ARHGEF28: variants seen among roughly 807,000 people sequenced by gnomAD.
ARHGEF28 encodes the protein 190 kDa guanine nucleotide exchange factor.
A neutral mutation model predicts 206.6 loss-of-function variants in ARHGEF28; 152 were observed. The observed-to-expected ratio is 0.74, with a 90% confidence interval of 0.64 to 0.84. The LOEUF is 0.84. ARHGEF28 is among the 40% of genes least tolerant of loss of function. The pLI is 0.00. For synonymous variants in ARHGEF28, 763 were observed against 776.4 expected (o/e 0.98, Z 0.29); for missense variants, 2,028 against 2,073.2 (o/e 0.98, Z 0.42).
rs1758786280 is a variant in ARHGEF28 at position 73,852,782 on chromosome 5, T to C, written c.1790+90T>C. 1.3e-5 allele frequency: 17 copies of C among 1,359,592 alleles called. No homozygotes were observed. The South Asian group carries it at 2.0e-4, about 16-fold the overall frequency. 84.2% of individuals were successfully genotyped at this position (1,359,592 alleles called of 1,614,324 possible). A position where few individuals can be genotyped will look rare whatever the true frequency, so the allele number is the denominator to read the frequency against. ...TCATTTTTGCTATCTGTTCACTAGT[T>C]CATGAGAGGTTTCCATGTAACAAGC... is the stretch of plus-strand genomic sequence containing the variant. On this transcript the variant is annotated intron_variant, in intron 14 of 35. Transcript: ENST00000513042.
rs1761826218 is a variant in ARHGEF28, at chr5:73,894,306, A to G, written c.3659-87A>G. ...TCTCTTGGAGGTCTTACTGCTTGCT[A>G]ATTAGCAACATCTTTTTCGTGGACT... On this transcript the variant is annotated intron_variant, in intron 28 of 35. Coordinates refer to ENST00000513042, the MANE Select transcript of ARHGEF28 (RefSeq NM_001177693.2). The G allele has an allele frequency of 1.1e-5, 15 of 1,340,562 alleles. No individual in the cohort carries two copies. The South Asian group carries it at 2.2e-4, about 19-fold the overall frequency. The allele number at this position is 1,340,562 out of a possible 1,614,324, so 83.0% of individuals were successfully genotyped here. A position where few individuals can be genotyped will look rare whatever the true frequency, so the allele number is the denominator to read the frequency against.
intron 22 of ARHGEF28, among the ~76,000 whole-genome samples, chr5:73,873,721 T>C (rs1424792978): frequency 6.6e-6 from 1 of 152,178 alleles, no homozygotes; most frequent in Non-Finnish European, 1.5e-5. Context: ...ATGGGGGAGT[T>C]ATGCTGAGTG....
At chr5:73,806,121 T>C (rs1561416906) in intron 9 of ARHGEF28, among the ~76,000 whole-genome samples, 1 of 150,920 alleles carries the variant, frequency 6.6e-6, no homozygotes, top group Non-Finnish European at 1.5e-5. Flanking sequence ...AGTTACCTCA[T>C]AGTTACTATA....
At chr5:73,855,609 G>A (rs1009287870) in intron 14 of ARHGEF28, among the ~76,000 whole-genome samples, 13 of 151,982 alleles carry the variant, frequency 8.6e-5, no homozygotes, top group African/African-American at 3.1e-4. Context: ...GTGGGCGCCT[G>A]TAATTCCAGC....
intron 2 of ARHGEF28, among the ~76,000 whole-genome samples, chr5:73,692,708 G>A (rs1308814747): frequency 6.6e-6 from 1 of 152,192 alleles, no homozygotes; most frequent in African/African-American, 2.4e-5. Context: ...CTGCAGGGAG[G>A]GCCGGAGGAC....
intron 4 of ARHGEF28, among the ~76,000 whole-genome samples, chr5:73,754,966 A>T (rs900053476): frequency 3.3e-5 from 5 of 151,776 alleles, no homozygotes; most frequent in African/African-American, 1.2e-4. Context: ...ACCTGGCCTC[A>T]GGCGAGCCTC....
rs1052028406 is a variant in ARHGEF28, at chr5:73,906,312, C to T, written c.4161+1907C>T. 1.2e-4 allele frequency among the ~76,000 whole-genome samples: 19 copies of T among 152,296 alleles called. No individual in the cohort carries two copies. In the South Asian group the frequency reaches 3.7e-3, roughly 30 times the overall value. ...GGAGTGCAGTGGCACGATCTCAACTCACTGCAACCTCTGTCTCCCAGGCTG... is the reference window on the plus strand; with the variant it reads ...GGAGTGCAGTGGCACGATCTCAACTTACTGCAACCTCTGTCTCCCAGGCTG... On this transcript the variant is annotated intron_variant, in intron 33 of 35. Coordinates refer to ENST00000513042, the MANE Select transcript of ARHGEF28 (RefSeq NM_001177693.2).
chr5:73,875,256 T>G (rs2112648870), intron 22 of ARHGEF28, among the ~76,000 whole-genome samples: 1 of 152,080 alleles, frequency 6.6e-6, no homozygotes, highest in Non-Finnish European at 1.5e-5. Flanking sequence ...ACCCACTTTT[T>G]GATGGGGTTG....
chr5:73,833,055 G>A (rs542077339), intron 10 of ARHGEF28, among the ~76,000 whole-genome samples: 6 of 152,288 alleles, frequency 3.9e-5, no homozygotes, highest in South Asian at 4.2e-4. Context: ...GAAGCAGATG[G>A]TTTGAATGTG....
chr5:73,717,512 A>G (rs930158278), intron 2 of ARHGEF28, among the ~76,000 whole-genome samples: 3 of 152,188 alleles, frequency 2.0e-5, no homozygotes, highest in Non-Finnish European at 2.9e-5. Flanking sequence ...GAAAACTGTA[A>G]TGATTACAAT....
chr5:73,891,790 G>T (rs975102420), intron 26 of ARHGEF28, among the ~76,000 whole-genome samples: 2 of 152,110 alleles, frequency 1.3e-5, no homozygotes, highest in African/African-American at 4.8e-5. Context: ...CTCCCAAAGT[G>T]CTGGGATTAC....
chr5:73,660,851 C>T (rs555517485), intron 1 of ARHGEF28, among the ~76,000 whole-genome samples: 1 of 152,184 alleles, frequency 6.6e-6, no homozygotes, highest in Non-Finnish European at 1.5e-5. Flanking sequence ...TACTGTCATC[C>T]AGGCTTTGTT....
chr5:73,856,982 G>A (rs186095772), intron 14 of ARHGEF28, among the ~76,000 whole-genome samples: 1 of 152,090 alleles, frequency 6.6e-6, no homozygotes, highest in Non-Finnish European at 1.5e-5. Flanking sequence ...TAATTGTATT[G>A]TGGATTAGAA....
chr5:73,629,809 T>A (rs1168239985), intron 1 of ARHGEF28, among the ~76,000 whole-genome samples: 1 of 152,210 alleles, frequency 6.6e-6, no homozygotes, highest in African/African-American at 2.4e-5. Context: ...GTATTTTAAT[T>A]TTCAGAGGTG....
At chr5:73,688,604 AATATCCAAAG>A (rs1217774944) in intron 2 of ARHGEF28, among the ~76,000 whole-genome samples, 2 of 152,178 alleles carry the variant, frequency 1.3e-5, no homozygotes, top group Admixed American at 1.3e-4. Flanking sequence ...CAGAACAACT[AATATCCAAAG>A]ATTGGATTGT....
chr5:73,850,923 A>G (rs780440023), intron 13 of ARHGEF28, among the ~76,000 whole-genome samples: 15 of 152,206 alleles, frequency 9.9e-5, no homozygotes, highest in Non-Finnish European at 1.3e-4. Context: ...CAGGCAATTT[A>G]GGTTGAGTCT....
At chr5:73,855,033 C>A (rs1482866936) in intron 14 of ARHGEF28, among the ~76,000 whole-genome samples, 1 of 152,102 alleles carries the variant, frequency 6.6e-6, no homozygotes, top group African/African-American at 2.4e-5. Context: ...TGCTATCGGT[C>A]ATCAAACTAA....
chr5:73,935,316 C>T (rs1248252612), intron 35 of ARHGEF28, among the ~76,000 whole-genome samples: 1 of 152,052 alleles, frequency 6.6e-6, no homozygotes, highest in African/African-American at 2.4e-5. Context: ...ATTTCAGGTG[C>T]AGTATTGGCA....
chr5:73,769,191 G>GTA (rs939761329), intron 4 of ARHGEF28, among the ~76,000 whole-genome samples: 11 of 151,982 alleles, frequency 7.2e-5, no homozygotes, highest in Non-Finnish European at 1.3e-4. Flanking sequence ...GTCTGTATGT[G>GTA]TATATATATA....
Sources: gnomAD v4.1 joint callset for allele counts (sites outside exome capture counted in the v4.1 genomes callset) on GRCh38, gnomAD v4.1.1 for gene constraint, MANE v1.5 for transcripts, NCBI Gene and HGNC (gene_info 2026-07-23, HGNC 2026-07-21) for gene names.